Variants in HS3ST4 observed in about 807,000 individuals in gnomAD.
HS3ST4 encodes heparan sulfate glucosamine 3-O-sulfotransferase 4.
HS3ST4 carries 17 observed loss-of-function variants against 29.2 expected under a neutral mutation model. That is an observed-to-expected ratio of 0.58 (90% CI 0.40 to 0.87). The LOEUF is 0.87. Among genes scored for constraint, HS3ST4 ranks in the 40% least tolerant of loss-of-function variants. The pLI is 0.00. For missense variants in HS3ST4, 627 were observed against 634.5 expected (o/e 0.99, Z 0.13); for synonymous variants, 314 against 285.7 (o/e 1.10, Z -1.00).
chr16:26,071,309 G>A (rs980892462), intron 1 of HS3ST4, among the ~76,000 whole-genome samples: 22 of 152,158 alleles, frequency 1.4e-4, no homozygotes, highest in Admixed American at 2.0e-4. Context: ...AGCGGCTGTA[G>A]AAATTAGGAG....
At chr16:25,961,922 C>G (rs750959574) in intron 1 of HS3ST4, among the ~76,000 whole-genome samples, 1 of 152,162 alleles carries the variant, frequency 6.6e-6, no homozygotes, top group African/African-American at 2.4e-5. Context: ...TATGTATGCA[C>G]ATTTTCTCTG....
intron 1 of HS3ST4, among the ~76,000 whole-genome samples, chr16:26,030,498 C>G (rs1254361220): frequency 1.3e-5 from 2 of 152,222 alleles, no homozygotes; most frequent in Non-Finnish European, 1.5e-5. Flanking sequence ...GAAGCCATGG[C>G]TGGTGCATAG....
intron 1 of HS3ST4, among the ~76,000 whole-genome samples, chr16:25,936,791 T>C (rs1212787083): frequency 6.6e-6 from 1 of 152,222 alleles, no homozygotes; most frequent in Non-Finnish European, 1.5e-5. Context: ...ATTCTGCAGA[T>C]GAGGTTTCTG....
intron 1 of HS3ST4, among the ~76,000 whole-genome samples, chr16:25,978,054 TAA>T (rs1968962419): frequency 6.6e-6 from 1 of 152,190 alleles, no homozygotes; most frequent in African/African-American, 2.4e-5. Context: ...AAAATGGAGA[TAA>T]AAATGTCTAC....
chr16:25,797,471 G>A (rs988485651), intron 1 of HS3ST4, among the ~76,000 whole-genome samples: 1 of 152,134 alleles, frequency 6.6e-6, no homozygotes, highest in Non-Finnish European at 1.5e-5. Context: ...GTTAGGAATG[G>A]CAAATGAATT....
chr16:25,746,657 T>G (rs1357069006), intron 1 of HS3ST4, among the ~76,000 whole-genome samples: 1 of 151,774 alleles, frequency 6.6e-6, no homozygotes, highest in Non-Finnish European at 1.5e-5. Context: ...GTTCAAGCAA[T>G]TCTCCTGCCT....
At chr16:25,868,698 T>C (rs1967720119) in intron 1 of HS3ST4, among the ~76,000 whole-genome samples, 1 of 152,216 alleles carries the variant, frequency 6.6e-6, no homozygotes, top group Non-Finnish European at 1.5e-5. Context: ...TAATTCGGAC[T>C]GTCAACTAAC....
chr16:26,136,305 C>T lies in HS3ST4; in HGVS notation c.*57C>T. On this transcript the variant is annotated 3_prime_UTR_variant, in exon 2 of 2. Transcript: ENST00000331351. ...AGCTAAGGAGGCTCCTTGCCTGAGTCCTTGAATACCCCAGCTTCTGCAGCT... is the reference window on the plus strand; with the variant it reads ...AGCTAAGGAGGCTCCTTGCCTGAGTTCTTGAATACCCCAGCTTCTGCAGCT... 1 of 1,462,488 alleles carries T rather than the reference C, an allele frequency of 6.8e-7. No individual in the cohort carries two copies. The highest frequency in any genetic ancestry group is 9.2e-7 in the Non-Finnish European group (1 of 1,090,210). The allele number at this position is 1,462,488 out of a possible 1,614,324, so 90.6% of individuals were successfully genotyped here. A position where few individuals can be genotyped will look rare whatever the true frequency, so the allele number is the denominator to read the frequency against.
chr16:25,768,164 G>C (rs773611653), intron 1 of HS3ST4, among the ~76,000 whole-genome samples: 1 of 152,192 alleles, frequency 6.6e-6, no homozygotes, highest in Non-Finnish European at 1.5e-5. Context: ...GGAGGCCACT[G>C]CTCCTTCTGA....
intron 1 of HS3ST4, among the ~76,000 whole-genome samples, chr16:25,978,432 G>A (rs1968966812): frequency 6.6e-6 from 1 of 152,256 alleles, no homozygotes. Context: ...CACCAAATGT[G>A]CATGTCTGTG....
intron 1 of HS3ST4, among the ~76,000 whole-genome samples, chr16:25,834,973 A>G (rs759701486): frequency 6.6e-6 from 1 of 152,066 alleles, no homozygotes; most frequent in Non-Finnish European, 1.5e-5. Context: ...ACAAAAAACA[A>G]TAAACCAACC....
intron 1 of HS3ST4, among the ~76,000 whole-genome samples, chr16:26,047,627 C>G (rs1898286329): frequency 6.6e-6 from 1 of 152,158 alleles, no homozygotes; most frequent in South Asian, 2.1e-4. Context: ...ATGAAAAAGG[C>G]AGAATGCAAG....
rs1340165050 is a variant in HS3ST4, at chr16:26,051,912, CCCTT to C, written c.735-83677_735-83674del. Among the ~76,000 whole-genome samples, 600 of 107,998 alleles carry C rather than the reference CCCTT, an allele frequency of 5.6e-3. 2 individuals carry two copies. The highest frequency in any genetic ancestry group is 0.013 in the East Asian group (36 of 2,768). 70.9% of individuals were successfully genotyped at this position (107,998 alleles called of 152,430 possible). On this transcript the variant is annotated intron_variant, in intron 1 of 1. Transcript: ENST00000331351. ...TCCCTCCCTCCCTCCCTCCCTCCCTCCCTTCCTTCCTTCCTTCCTTCCTTCCGTC... is the reference window on the plus strand; with the variant it reads ...TCCCTCCCTCCCTCCCTCCCTCCCTCCCTTCCTTCCTTCCTTCCTTCCGTC...
Position 25,982,206 on chromosome 16 carries a change from G to A in HS3ST4, c.735-153406G>A, listed in dbSNP as rs1372609708. 5.3e-5 allele frequency among the ~76,000 whole-genome samples: 8 copies of A among 152,282 alleles called. No individual in the cohort carries two copies. The South Asian group carries it at 1.0e-3, about 20-fold the overall frequency. On this transcript the variant is annotated intron_variant, in intron 1 of 1. Transcript: ENST00000331351. ...GCTGCTGAAGGACGGCGAGAGAGACGAACTGCTGGTTCCATCTTCATTGTG... is the reference window on the plus strand; with the variant it reads ...GCTGCTGAAGGACGGCGAGAGAGACAAACTGCTGGTTCCATCTTCATTGTG...
intron 1 of HS3ST4, among the ~76,000 whole-genome samples, chr16:26,002,287 A>T (rs1969217943): frequency 6.6e-6 from 1 of 152,160 alleles, no homozygotes; most frequent in Admixed American, 6.6e-5. Context: ...ATTACTCAGG[A>T]AATGTAAGGG....
intron 1 of HS3ST4, among the ~76,000 whole-genome samples, chr16:25,976,099 G>T (rs1359568540): frequency 6.6e-6 from 1 of 152,152 alleles, no homozygotes; most frequent in Non-Finnish European, 1.5e-5. Context: ...ATATTTCTGA[G>T]AGTATATGTA....
At chr16:25,709,292 G>A (rs1452568193) in intron 1 of HS3ST4, among the ~76,000 whole-genome samples, 1 of 152,076 alleles carries the variant, frequency 6.6e-6, no homozygotes, top group Non-Finnish European at 1.5e-5. Flanking sequence ...CTGAAGACTC[G>A]ATGTAGCTCA....
At chr16:25,754,284 C>T (rs1320526934) in intron 1 of HS3ST4, among the ~76,000 whole-genome samples, 1 of 152,004 alleles carries the variant, frequency 6.6e-6, no homozygotes, top group Non-Finnish European at 1.5e-5. Context: ...AGCCTCCAAT[C>T]ACACACTCCA....
chr16:26,006,788 A>G (rs1427849014), intron 1 of HS3ST4, among the ~76,000 whole-genome samples: 1 of 152,162 alleles, frequency 6.6e-6, no homozygotes, highest in Non-Finnish European at 1.5e-5. Context: ...ATGGCTGGTA[A>G]TTATTTATAT....
Sources: gnomAD v4.1 joint callset for allele counts (sites outside exome capture counted in the v4.1 genomes callset) on GRCh38, gnomAD v4.1.1 for gene constraint, MANE v1.5 for transcripts, NCBI Gene and HGNC (gene_info 2026-07-23, HGNC 2026-07-21) for gene names.